Variants in DOCK2 observed in about 807,000 individuals in gnomAD.
DOCK2 encodes the protein dedicator of cytokinesis protein 2.
Under a neutral mutation model 248.9 loss-of-function variants are expected in DOCK2, and 87 were observed. The observed-to-expected ratio is 0.35, with a 90% CI of 0.29 to 0.42. The LOEUF is 0.42. DOCK2 is among the 10% of genes least tolerant of loss of function. The pLI is 1.00. For synonymous variants in DOCK2, 805 were observed against 821.6 expected (o/e 0.98, Z 0.35); for missense variants, 1,747 against 2,300.2 (o/e 0.76, Z 4.92).
At chr5:169,807,956 G>A (rs932993399) in intron 26 of DOCK2, among the ~76,000 whole-genome samples, 15 of 151,986 alleles carry the variant, frequency 9.9e-5, no homozygotes, top group African/African-American at 3.6e-4. Context: ...TGGGATAGAA[G>A]GGACATGGAA....
rs1761384606 is a variant in DOCK2, at chr5:169,708,268, GTAA to G, written c.1482+6_1482+8del. 1 of 1,613,094 alleles carries G rather than the reference GTAA, an allele frequency of 6.2e-7. No homozygotes were observed. ...GCCACGCTGGATGGAAACAGTCAAG[GTAA>G]TAATTAATAATAGCAGCAAACACAT... On this transcript the variant is annotated splice_donor_variant and splice_donor_region_variant and intron_variant, in intron 15 of 51. Transcript: ENST00000520908. LOFTEE classifies it high-confidence loss of function.
At chr5:169,688,079 C>G (rs1760086856) in intron 8 of DOCK2, among the ~76,000 whole-genome samples, 1 of 152,158 alleles carries the variant, frequency 6.6e-6, no homozygotes. Flanking sequence ...CATGTGCCAC[C>G]ATGCCTGGCT....
At chr5:170,056,881 A>G (rs1757149317) in intron 43 of DOCK2, 113 bp downstream of exon 43, 1 of 933,456 alleles carries the variant, frequency 1.1e-6, no homozygotes, top group Non-Finnish European at 1.6e-6. Flanking sequence ...GAGAAAATAA[A>G]GCCAACCTCC....
chr5:169,778,674 A>G (rs1048945333), intron 25 of DOCK2, among the ~76,000 whole-genome samples: 5 of 152,210 alleles, frequency 3.3e-5, no homozygotes, highest in African/African-American at 1.2e-4. Flanking sequence ...GCATTAAAGA[A>G]TTTGCACATT....
At chr5:169,730,920 T>G (rs2113623391) in intron 22 of DOCK2, among the ~76,000 whole-genome samples, 1 of 152,256 alleles carries the variant, frequency 6.6e-6, no homozygotes, top group South Asian at 2.1e-4. Flanking sequence ...CTTGCTCTGT[T>G]GCACAGGCTG....
intron 15 of DOCK2, among the ~76,000 whole-genome samples, chr5:169,709,221 C>T (rs1317257324): frequency 6.6e-6 from 1 of 152,152 alleles, no homozygotes; most frequent in Non-Finnish European, 1.5e-5. Flanking sequence ...TGTTTTTTAA[C>T]CACCCCTCTA....
chr5:169,747,331 T>C, intron 22 of DOCK2, 65 bp from the exon 23 acceptor site: 1 of 1,431,448 alleles, frequency 7.0e-7, no homozygotes, highest in South Asian at 1.3e-5. Flanking sequence ...AGTTTGTGCC[T>C]AGTACACACT....
chr5:170,077,305 C>T (rs1021142196), intron 47 of DOCK2, among the ~76,000 whole-genome samples: 3 of 152,112 alleles, frequency 2.0e-5, no homozygotes, highest in Non-Finnish European at 2.9e-5. Context: ...GGAAATCAGT[C>T]TCTGGGCCTG....
intron 36 of DOCK2, among the ~76,000 whole-genome samples, chr5:170,038,370 T>A (rs949380910): frequency 6.6e-6 from 1 of 152,232 alleles, no homozygotes; most frequent in Non-Finnish European, 1.5e-5. Context: ...AAACCATATT[T>A]ATCTAAACCA....
intron 25 of DOCK2, among the ~76,000 whole-genome samples, chr5:169,793,660 A>G (rs1276654698): frequency 2.6e-5 from 4 of 152,126 alleles, no homozygotes; most frequent in Non-Finnish European, 4.4e-5. Context: ...ACAAAAATGA[A>G]AAGTGTTTAT....
chr5:169,882,587 G>C lies in DOCK2; in HGVS notation c.2799+41735G>C, dbSNP rs1017933170. 3 of 1,550,422 alleles carry C rather than the reference G, an allele frequency of 1.9e-6. No individual in the cohort carries two copies. The African/African-American group carries it at 4.1e-5, about 21-fold the overall frequency. On this transcript the variant is annotated intron_variant, in intron 27 of 51. Coordinates refer to ENST00000520908, the MANE Select transcript of DOCK2 (RefSeq NM_004946.3). ...AGAGCTCGAGCTTTCTCCAAGTCTT[G>C]AATTACATTCAAAAGGACTTTAATT...
intron 27 of DOCK2, among the ~76,000 whole-genome samples, chr5:169,868,594 A>C (rs1404696486): frequency 1.3e-5 from 2 of 152,170 alleles, no homozygotes; most frequent in Non-Finnish European, 2.9e-5. Context: ...CACCATCTCT[A>C]CAAAAAGTAA....
intron 27 of DOCK2, among the ~76,000 whole-genome samples, chr5:169,908,396 A>G (rs767934317): frequency 6.6e-6 from 1 of 152,200 alleles, no homozygotes. Flanking sequence ...CTCTAAGAAT[A>G]TGCTTTCCCC....
chr5:169,656,870 G>C (rs1758152892), intron 2 of DOCK2, among the ~76,000 whole-genome samples: 1 of 152,116 alleles, frequency 6.6e-6, no homozygotes, highest in African/African-American at 2.4e-5. Context: ...CTACTCTGGT[G>C]GACTCAAGCC....
intron 33 of DOCK2, among the ~76,000 whole-genome samples, chr5:170,024,260 T>C (rs898450098): frequency 2.0e-5 from 3 of 152,076 alleles, no homozygotes; most frequent in Non-Finnish European, 4.4e-5. Context: ...TGGAAGTAAT[T>C]TGGAGAAGCC....
At chr5:169,746,972 C>G (rs570153700) in intron 22 of DOCK2, among the ~76,000 whole-genome samples, 2 of 152,126 alleles carry the variant, frequency 1.3e-5, no homozygotes, top group African/African-American at 4.8e-5. Flanking sequence ...GGGGCTCATC[C>G]GACAAACAGA....
At chr5:169,754,046 C>G (rs538519140) in intron 23 of DOCK2, among the ~76,000 whole-genome samples, 2 of 152,216 alleles carry the variant, frequency 1.3e-5, no homozygotes, top group South Asian at 4.2e-4. Flanking sequence ...CATTTCAAGA[C>G]ATGTTCATTT....
chr5:169,690,579 G>C (rs575023979), intron 9 of DOCK2, among the ~76,000 whole-genome samples: 2 of 152,208 alleles, frequency 1.3e-5, no homozygotes, highest in African/African-American at 4.8e-5. Flanking sequence ...GGCATATATA[G>C]ATGTGCCTCC....
chr5:169,870,805 C>T (rs1421976615), intron 27 of DOCK2, among the ~76,000 whole-genome samples: 1 of 152,092 alleles, frequency 6.6e-6, no homozygotes, highest in African/African-American at 2.4e-5. Context: ...AGCAAGTTGG[C>T]AAAGGGAAGT....
Sources: gnomAD v4.1 joint callset for allele counts (sites outside exome capture counted in the v4.1 genomes callset) on GRCh38, gnomAD v4.1.1 for gene constraint, MANE v1.5 for transcripts, NCBI Gene and HGNC (gene_info 2026-07-23, HGNC 2026-07-21) for gene names.